The following PLA2G4A variants were observed in gnomAD, a reference collection of about 807,000 sequenced individuals.
The protein encoded by PLA2G4A is phospholipase A2 group IVA.
In PLA2G4A, 40 loss-of-function variants were observed where a neutral mutation model predicts 81.9. The ratio of observed to expected loss-of-function variants is 0.49; its 90% CI spans 0.38 to 0.64. The LOEUF is 0.64. Ranked by LOEUF, PLA2G4A falls within the 30% of genes least tolerant of loss-of-function variation. The pLI is 0.00. For missense variants in PLA2G4A, 715 were observed against 905.1 expected (o/e 0.79, Z 2.69); for synonymous variants, 302 against 296.9 (o/e 1.02, Z -0.18).
chr1:186,966,092 G>C (rs1220369007), intron 15 of PLA2G4A, among the ~76,000 whole-genome samples: 1 of 142,568 alleles, frequency 7.0e-6, no homozygotes, highest in Non-Finnish European at 1.5e-5. Context: ...AATCAGACCA[G>C]AGTGGTTTGA....
chr1:186,955,462 G>A (rs769226318), intron 13 of PLA2G4A, among the ~76,000 whole-genome samples: 1 of 152,240 alleles, frequency 6.6e-6, no homozygotes, highest in African/African-American at 2.4e-5. Context: ...GTGCATGCAA[G>A]TGCGTGCACT....
chr1:186,935,536 G>C (rs1368281880), intron 8 of PLA2G4A, among the ~76,000 whole-genome samples: 1 of 151,224 alleles, frequency 6.6e-6, no homozygotes, highest in African/African-American at 2.4e-5. Context: ...GAAGATAGAA[G>C]GTAAAGAAAA....
chr1:186,954,308 G>T (rs1656666554), intron 13 of PLA2G4A, among the ~76,000 whole-genome samples: 1 of 152,112 alleles, frequency 6.6e-6, no homozygotes, highest in Non-Finnish European at 1.5e-5. Flanking sequence ...CATGAAGCTG[G>T]AAACCATCAT....
intron 1 of PLA2G4A, among the ~76,000 whole-genome samples, chr1:186,845,425 G>T (rs182572129): frequency 6.6e-6 from 1 of 151,954 alleles, no homozygotes; most frequent in Non-Finnish European, 1.5e-5. Context: ...GATTAGGGGC[G>T]ATTTTCCCTA....
At chr1:186,844,269 T>C (rs1175801727) in intron 1 of PLA2G4A, among the ~76,000 whole-genome samples, 1 of 152,218 alleles carries the variant, frequency 6.6e-6, no homozygotes, top group Admixed American at 6.5e-5. Flanking sequence ...GTTTCTTTAT[T>C]CCTTTGTGCC....
At chr1:186,888,356 G>T (rs1045831970) in intron 3 of PLA2G4A, among the ~76,000 whole-genome samples, 2 of 152,054 alleles carry the variant, frequency 1.3e-5, no homozygotes, top group Non-Finnish European at 2.9e-5. Flanking sequence ...TTGACTCATG[G>T]TGCTTCTCAA....
chr1:186,971,175 A>G (rs778094726), intron 15 of PLA2G4A, among the ~76,000 whole-genome samples: 1 of 151,842 alleles, frequency 6.6e-6, no homozygotes, highest in Non-Finnish European at 1.5e-5. Flanking sequence ...TTATTATATC[A>G]TATACTATAT....
intron 7 of PLA2G4A, among the ~76,000 whole-genome samples, chr1:186,925,778 T>C (rs565846756): frequency 1.3e-5 from 2 of 152,268 alleles, no homozygotes; most frequent in Middle Eastern, 3.4e-3. Context: ...TTTCCCATGG[T>C]TGTACTTAAA....
chr1:186,935,688 G>A (rs1308861857), intron 8 of PLA2G4A, among the ~76,000 whole-genome samples: 1 of 151,902 alleles, frequency 6.6e-6, no homozygotes, highest in Non-Finnish European at 1.5e-5. Flanking sequence ...CTCTTAAAAA[G>A]TACAGGTGAG....
rs138059350 is a variant in PLA2G4A, at chr1:186,983,081, C to A, written c.2118+3609C>A. 1.3e-3 allele frequency among the ~76,000 whole-genome samples: 143 copies of A among 106,494 alleles called. 2 individuals carry two copies. Among genetic ancestry groups the A allele is most frequent in the African/African-American group, 7.9e-3 (138 of 17,472 alleles). 69.9% of individuals were successfully genotyped at this position (106,494 alleles called of 152,430 possible). A position where few individuals can be genotyped will look rare whatever the true frequency, so the allele number is the denominator to read the frequency against. ...CCTGGGTGACAGAGCAAGAGTCTGT[C>A]TCAAAAAAAAAAAAAAAAGAAAAGA... On this transcript the variant is annotated intron_variant, in intron 17 of 17. Transcript: ENST00000367466.
intron 3 of PLA2G4A, among the ~76,000 whole-genome samples, chr1:186,889,886 T>A (rs1654073917): frequency 6.6e-6 from 1 of 152,126 alleles, no homozygotes; most frequent in Non-Finnish European, 1.5e-5. Flanking sequence ...GTAATCTAAT[T>A]TTTGTTACTG....
chr1:186,963,992 C>G (rs1657044969), intron 14 of PLA2G4A, among the ~76,000 whole-genome samples: 1 of 152,128 alleles, frequency 6.6e-6, no homozygotes. Flanking sequence ...ATAAGTAAAA[C>G]TGACTATAGG....
At chr1:186,967,254 G>A (rs552296339) in intron 15 of PLA2G4A, among the ~76,000 whole-genome samples, 1 of 151,930 alleles carries the variant, frequency 6.6e-6, no homozygotes, top group Admixed American at 6.6e-5. Flanking sequence ...TCTATTTTTG[G>A]GGTAGTAAAG....
intron 15 of PLA2G4A, among the ~76,000 whole-genome samples, chr1:186,968,142 T>G (rs935547919): frequency 1.3e-5 from 2 of 152,058 alleles, no homozygotes; most frequent in Non-Finnish European, 2.9e-5. Flanking sequence ...AATGGGGGTA[T>G]AAAATGTCAA....
chr1:186,952,372 G>A (rs1473121064), intron 13 of PLA2G4A, among the ~76,000 whole-genome samples: 1 of 152,042 alleles, frequency 6.6e-6, no homozygotes, highest in East Asian at 1.9e-4. Flanking sequence ...TTTCTTTTCG[G>A]CTCTTAGTAT....
At chr1:186,904,783 G>T (rs1313586361) in intron 5 of PLA2G4A, among the ~76,000 whole-genome samples, 2 of 152,154 alleles carry the variant, frequency 1.3e-5, no homozygotes, top group African/African-American at 2.4e-5. Context: ...AGACAAATTT[G>T]ACTATAAATG....
At chr1:186,846,801 C>T (rs1409756726) in intron 1 of PLA2G4A, among the ~76,000 whole-genome samples, 3 of 151,736 alleles carry the variant, frequency 2.0e-5, no homozygotes, top group Non-Finnish European at 4.4e-5. Flanking sequence ...TTTGTCGTGG[C>T]CCATTTTAAT....
At chr1:186,893,410 C>G (rs745733727) in intron 4 of PLA2G4A, among the ~76,000 whole-genome samples, 2 of 152,070 alleles carry the variant, frequency 1.3e-5, no homozygotes, top group Non-Finnish European at 2.9e-5. Flanking sequence ...TTTCTGCTAT[C>G]AAGGAGAGAA....
intron 7 of PLA2G4A, among the ~76,000 whole-genome samples, chr1:186,913,495 G>A (rs1424195721): frequency 2.0e-5 from 3 of 151,896 alleles, no homozygotes; most frequent in African/African-American, 4.8e-5. Context: ...AATCTACAAA[G>A]ATTAATTGCC....
Sources: allele counts gnomAD v4.1 joint callset (sites outside exome capture counted in the v4.1 genomes callset), GRCh38; gene constraint gnomAD v4.1.1; transcripts MANE v1.5; gene names NCBI Gene and HGNC (gene_info 2026-07-23, HGNC 2026-07-21).